Variants in TRAF3IP3 observed in about 807,000 individuals in gnomAD.
TRAF3IP3 encodes the protein TRAF3-interacting JNK-activating modulator.
In TRAF3IP3, 64 loss-of-function variants were observed where a neutral mutation model predicts 86.5. The observed-to-expected ratio is 0.74, with a 90% CI of 0.60 to 0.91. TRAF3IP3 has a LOEUF of 0.91. TRAF3IP3 is among the 40% of genes least tolerant of loss of function. The pLI, the probability that TRAF3IP3 is intolerant of heterozygous loss-of-function variation, is 0.00. For synonymous variants in TRAF3IP3, 220 were observed against 243.9 expected, an observed-to-expected ratio of 0.90 and a Z score of 0.91; for missense variants, 579 against 642.9, an observed-to-expected ratio of 0.90 and a Z score of 1.07.
intron 8 of TRAF3IP3, 55 bp downstream of exon 8, chr1:209,763,642 T>A: frequency 7.0e-7 from 1 of 1,419,506 alleles, no homozygotes; most frequent in African/African-American, 1.4e-5. Flanking sequence ...TGTTCCCATC[T>A]CATTTTTCTT....
intron 11 of TRAF3IP3, 62 bp from the exon 12 acceptor site, chr1:209,777,290 G>A (rs777802973): frequency 4.1e-5 from 59 of 1,433,604 alleles, no homozygotes; most frequent in East Asian, 4.9e-5. Context: ...CATGGTACCC[G>A]CCCCCCAACC....
intron 9 of TRAF3IP3, among the ~76,000 whole-genome samples, chr1:209,773,821 T>C (rs1367360012): frequency 6.6e-6 from 1 of 152,246 alleles, no homozygotes; most frequent in Non-Finnish European, 1.5e-5. Flanking sequence ...AGGAGACTAA[T>C]ATATAATCCA....
chr1:209,766,828 C>T (rs2077365927), intron 8 of TRAF3IP3, among the ~76,000 whole-genome samples: 1 of 152,232 alleles, frequency 6.6e-6, no homozygotes, highest in African/African-American at 2.4e-5. Context: ...TGTGCCACTG[C>T]ACTCCAGCCT....
intron 13 of TRAF3IP3, chr1:209,778,482 T>A: frequency 2.9e-6 from 1 of 339,200 alleles, no homozygotes; most frequent in Non-Finnish European, 5.3e-6. Context: ...ATATTCTAAT[T>A]TATGTACATG....
At chr1:209,759,366 T>C (rs944999629) in intron 2 of TRAF3IP3, among the ~76,000 whole-genome samples, 4 of 152,166 alleles carry the variant, frequency 2.6e-5, no homozygotes, top group Non-Finnish European at 4.4e-5. Flanking sequence ...TCCTAAACCA[T>C]GCCAGGTCCA....
chr1:209,777,626 A>C, intron 12 of TRAF3IP3, 139 bp downstream of exon 12: 1 of 895,522 alleles, frequency 1.1e-6, no homozygotes, highest in Non-Finnish European at 1.7e-6. Context: ...ATCTCATTTT[A>C]CCTTGAGGGA....
intron 8 of TRAF3IP3, among the ~76,000 whole-genome samples, chr1:209,766,966 G>T (rs2077369123): frequency 6.6e-6 from 1 of 152,208 alleles, no homozygotes; most frequent in African/African-American, 2.4e-5. Context: ...GAAAAAAGCA[G>T]AAAGTAGAAG....
At chr1:209,779,175 A>G (rs561781101) in intron 13 of TRAF3IP3, 140 bp from the exon 14 acceptor site, 7 of 645,774 alleles carry the variant, frequency 1.1e-5, no homozygotes, top group Non-Finnish European at 8.1e-6. Flanking sequence ...GGACTTCAAC[A>G]TATATATTCT....
intron 6 of TRAF3IP3, 80 bp from the exon 7 acceptor site, chr1:209,763,283 C>A: frequency 6.5e-7 from 1 of 1,543,984 alleles, no homozygotes. Context: ...TCTACACAAG[C>A]CAGCCCAGGC....
At chr1:209,766,935 G>A (rs565274181) in intron 8 of TRAF3IP3, among the ~76,000 whole-genome samples, 1 of 152,182 alleles carries the variant, frequency 6.6e-6, no homozygotes, top group Non-Finnish European at 1.5e-5. Context: ...AACCAGTAGA[G>A]AAGCAAGAGT....
chr1:209,762,387 G>C, intron 3 of TRAF3IP3, 128 bp from the exon 4 acceptor site: 1 of 898,016 alleles, frequency 1.1e-6, no homozygotes, highest in Non-Finnish European at 1.5e-6. Context: ...ACACAGATTT[G>C]GGCGGGGGGA....
In TRAF3IP3 at chr1:209,760,168, C is replaced by T. The variant is rs1233070127; in HGVS notation, c.129C>T (p.Arg43=). 6.2e-7 allele frequency: 1 copy of T among 1,614,242 alleles called. No homozygotes were observed. Among genetic ancestry groups the T allele is most frequent in the South Asian group, 1.1e-5 (1 of 91,090 alleles). Reference sequence around the variant, plus strand: ...GCCGTCCCAATGTGACCACTTGCCGCCAGGTGGGGAAGACGCTGAGGATCC... The same window carrying T: ...GCCGTCCCAATGTGACCACTTGCCGTCAGGTGGGGAAGACGCTGAGGATCC... ...RRCRPNVTTC[R]QVGKTLRIQQ... The change falls in exon 3 of 17, where the codon CGC becomes CGT. Residue 43 remains arginine (R), a synonymous_variant. Coordinates refer to ENST00000367025, the MANE Select transcript of TRAF3IP3 (RefSeq NM_025228.4).
intron 3 of TRAF3IP3, among the ~76,000 whole-genome samples, chr1:209,761,205 T>A (rs1463400414): frequency 6.6e-6 from 1 of 152,220 alleles, no homozygotes; most frequent in Admixed American, 6.5e-5. Flanking sequence ...TTCTATTAAA[T>A]CACTTGACTA....
At chr1:209,776,675 A>C (rs1048801179) in intron 11 of TRAF3IP3, 10 of 151,466 alleles carry the variant, frequency 6.6e-5, no homozygotes, top group African/African-American at 2.4e-4. Flanking sequence ...TGATACTGCC[A>C]GAAGTAGAAA....
Position 209,777,439 on chromosome 1 carries a change from C to T in TRAF3IP3, c.1141C>T (p.Leu381=), listed in dbSNP as rs1291270779. The T allele has an allele frequency of 6.2e-7, 1 of 1,614,110 alleles. No individual in the cohort carries two copies. The highest frequency in any genetic ancestry group is 8.5e-7 in the Non-Finnish European group (1 of 1,179,998). Residue 381 remains leucine (L), a synonymous_variant, in exon 12 of 17, where the codon CTG becomes TTG. Coordinates refer to ENST00000367025, the MANE Select transcript of TRAF3IP3 (RefSeq NM_025228.4). ...GCAACTGCAGGCCAAGATTGAATGCCTGCAAGGGGACAGAGACCTGTGCAG... is the reference window on the plus strand; with the variant it reads ...GCAACTGCAGGCCAAGATTGAATGCTTGCAAGGGGACAGAGACCTGTGCAG... ...HQQLQAKIEC[L]QGDRDLCSLD... is the part of the protein sequence containing the mutation.
chr1:209,768,959 A>T (rs2077410177), intron 8 of TRAF3IP3, among the ~76,000 whole-genome samples: 1 of 152,200 alleles, frequency 6.6e-6, no homozygotes, highest in South Asian at 2.1e-4. Context: ...CTTCATCCCC[A>T]CTGAAGTGGC....
chr1:209,771,132 A>G (rs1215994139), intron 8 of TRAF3IP3, among the ~76,000 whole-genome samples: 1 of 124,966 alleles, frequency 8.0e-6, no homozygotes, highest in African/African-American at 3.1e-5. Context: ...GTGCGTGTGC[A>G]TATGGATGTG....
chr1:209,774,031 C>G (rs75326015), intron 9 of TRAF3IP3, among the ~76,000 whole-genome samples: 1,927 of 152,266 alleles, frequency 0.013, 46 homozygotes, highest in African/African-American at 0.044. Flanking sequence ...AATTCCAAAG[C>G]TAAATGGAAA....
intron 8 of TRAF3IP3, among the ~76,000 whole-genome samples, chr1:209,771,609 TGGTGTGCGTGTGCATATGGA>T (rs2077529638): frequency 2.8e-5 from 3 of 105,474 alleles, no homozygotes; most frequent in East Asian, 3.0e-4. Context: ...TGTGCGCATG[TGGTGTGCGTGTGCATATGGA>T]GGTGTGCGTG....
Sources: allele counts gnomAD v4.1 joint callset (sites outside exome capture counted in the v4.1 genomes callset), GRCh38; gene constraint gnomAD v4.1.1; transcripts MANE v1.5; gene names NCBI Gene and HGNC (gene_info 2026-07-23, HGNC 2026-07-21).